The following ZNF569 variants were observed in gnomAD, a reference collection of about 807,000 sequenced individuals.
The protein encoded by ZNF569 is DNA-binding protein.
ZNF569 carries 38 observed loss-of-function variants against 56.3 expected under a neutral mutation model. That is an observed-to-expected ratio of 0.68 (90% confidence interval 0.52 to 0.88). The LOEUF (loss-of-function observed/expected upper bound fraction) is 0.88, where lower values mean the gene tolerates loss of function less well. Among genes scored for constraint, ZNF569 ranks in the 40% least tolerant of loss-of-function variants. The probability of loss-of-function intolerance (pLI) is 0.00; values close to 1 mark genes in which losing one functional copy is unlikely to be tolerated. For missense variants in ZNF569, 666 were observed against 809.2 expected (o/e 0.82, Z 2.15); for synonymous variants, 241 against 262.9 (o/e 0.92, Z 0.81).
chr19:37,465,233 T>G (rs1334281942), intron 2 of ZNF569, 80 bp downstream of exon 2: 1 of 152,260 alleles, frequency 6.6e-6, no homozygotes, highest in African/African-American at 2.4e-5. Flanking sequence ...CTCCTATCTC[T>G]AGTTCTAAAT....
At chr19:37,419,384 CA>C (rs894015329) in intron 5 of ZNF569, among the ~76,000 whole-genome samples, 1 of 152,176 alleles carries the variant, frequency 6.6e-6, no homozygotes, top group Non-Finnish European at 1.5e-5. Flanking sequence ...CACACCACCA[CA>C]ATAAAGCATG....
chr19:37,452,225 A>G (rs1349278054), intron 2 of ZNF569, among the ~76,000 whole-genome samples: 1 of 152,244 alleles, frequency 6.6e-6, no homozygotes, highest in Admixed American at 6.5e-5. Flanking sequence ...ACATTTGGTT[A>G]TAACTGTCAC....
chr19:37,419,389 A>T (rs1051731815), intron 5 of ZNF569, among the ~76,000 whole-genome samples: 4 of 152,322 alleles, frequency 2.6e-5, no homozygotes, highest in African/African-American at 9.6e-5. Flanking sequence ...CACCACAATA[A>T]AGCATGTCAC....
At chr19:37,427,515 A>G (rs2041154699) in intron 3 of ZNF569, among the ~76,000 whole-genome samples, 1 of 152,216 alleles carries the variant, frequency 6.6e-6, no homozygotes, top group Non-Finnish European at 1.5e-5. Context: ...TGTTTCAGGA[A>G]TTTCTACCAG....
chr19:37,428,663 C>CTG (rs2041175462), intron 3 of ZNF569, among the ~76,000 whole-genome samples: 1 of 150,030 alleles, frequency 6.7e-6, no homozygotes, highest in African/African-American at 2.4e-5. Flanking sequence ...TAGTATATAT[C>CTG]TGTGGTTGAA....
chr19:37,428,815 C>T (rs557829530), intron 3 of ZNF569, among the ~76,000 whole-genome samples: 4 of 151,914 alleles, frequency 2.6e-5, no homozygotes, highest in African/African-American at 9.7e-5. Context: ...GCTAGAACTA[C>T]AGGCGTGCGC....
At chr19:37,467,893 G>A (rs141250465), upstream of ZNF569, 5 of 1,536,110 alleles carry the variant, frequency 3.3e-6, no homozygotes, top group South Asian at 2.4e-5. Context: ...CAGAGACAAT[G>A]TGCATGTATT....
At chr19:37,419,961 T>G (rs2041002714) in intron 5 of ZNF569, among the ~76,000 whole-genome samples, 1 of 134,110 alleles carries the variant, frequency 7.5e-6, no homozygotes, top group African/African-American at 3.0e-5. Flanking sequence ...TTCTTTTTTC[T>G]TTTCTTTCTT....
intron 3 of ZNF569, among the ~76,000 whole-genome samples, chr19:37,436,216 AAAC>A (rs1365944043): frequency 1.3e-5 from 2 of 152,268 alleles, no homozygotes; most frequent in African/African-American, 4.8e-5. Flanking sequence ...CACAGAAATA[AAAC>A]AACATGCTCC....
At chr19:37,423,131 A>T (rs897424338) in intron 5 of ZNF569, among the ~76,000 whole-genome samples, 1 of 152,218 alleles carries the variant, frequency 6.6e-6, no homozygotes, top group Non-Finnish European at 1.5e-5. Flanking sequence ...AACTCTGAAA[A>T]TTTGAAGACT....
chr19:37,446,647 GA>G (rs915850215), intron 2 of ZNF569, among the ~76,000 whole-genome samples: 150 of 151,260 alleles, frequency 9.9e-4, no homozygotes, highest in African/African-American at 3.3e-3. Flanking sequence ...TCTAAGACCT[GA>G]AACCATAAAA....
chr19:37,413,812 T>C lies in ZNF569; in HGVS notation c.846A>G (p.Lys282=), dbSNP rs1412772036. 1 of 1,613,502 alleles carries C rather than the reference T, an allele frequency of 6.2e-7. No individual in the cohort carries two copies. The highest frequency in any genetic ancestry group is 1.3e-5 in the African/African-American group (1 of 74,898). ...TTTTTTCATGATCAATAAGATTTGA[T>C]TTCTGGCTGAAGGACTTCTCACATT... ...CKECEKSFSQ[K]SNLIDHEKIH... The change falls in exon 6 of 6, where the codon AAA becomes AAG. Residue 282 remains lysine, a synonymous_variant. Coordinates refer to ENST00000316950, the MANE Select transcript of ZNF569 (RefSeq NM_152484.3).
intron 3 of ZNF569, among the ~76,000 whole-genome samples, chr19:37,443,814 C>T (rs533048121): frequency 5.4e-4 from 81 of 151,136 alleles, no homozygotes; most frequent in African/African-American, 1.8e-3. Flanking sequence ...TGAGACCAAC[C>T]TGGCCAACAT....
rs2041645102 is a variant in ZNF569 at position 37,454,666 on chromosome 19, C to T, written c.-43-9702G>A. Among the ~76,000 whole-genome samples the T allele has an allele frequency of 2.6e-5, 4 of 152,146 alleles. No homozygotes were observed. In the South Asian group the frequency reaches 8.3e-4, roughly 31 times the overall value. On this transcript the variant is annotated intron_variant, in intron 2 of 5. Coordinates refer to ENST00000316950, the MANE Select transcript of ZNF569 (RefSeq NM_152484.3). ...AAGGAAAGGCTTCTCAGGATTCACT[C>T]CCATCTTCCCTATGAGTGCCTGTTG...
intron 3 of ZNF569, among the ~76,000 whole-genome samples, chr19:37,436,894 AAAG>A (rs1384851948): frequency 6.6e-6 from 1 of 152,070 alleles, no homozygotes; most frequent in East Asian, 1.9e-4. Context: ...CTGAACAATT[AAAG>A]AAGAACTAAT....
Position 37,412,278 on chromosome 19 carries a change from T to C in ZNF569, c.*319A>G, listed in dbSNP as rs2040851046. 1 of 236,600 alleles carries C rather than the reference T, an allele frequency of 4.2e-6. No homozygotes were observed. Among genetic ancestry groups the C allele is most frequent in the African/African-American group, 2.2e-5 (1 of 44,658 alleles). The allele number at this position is 236,600 out of a possible 1,614,324, so 14.7% of individuals were successfully genotyped here. On this transcript the variant is annotated 3_prime_UTR_variant, in exon 6 of 6. Transcript: ENST00000316950. ...ATTTTTATAGTTCTTCGTTGATACT[T>C]GTTTTCCTTACTTAATACATTGGCT...
At chr19:37,419,501 C>CG (rs2040993262) in intron 5 of ZNF569, among the ~76,000 whole-genome samples, 1 of 152,042 alleles carries the variant, frequency 6.6e-6, no homozygotes, top group Non-Finnish European at 1.5e-5. Context: ...GTGGGTGAAT[C>CG]ATTTGAGGTC....
At chr19:37,439,219 C>T (rs1475084347) in intron 3 of ZNF569, among the ~76,000 whole-genome samples, 1 of 152,154 alleles carries the variant, frequency 6.6e-6, no homozygotes, top group Non-Finnish European at 1.5e-5. Context: ...TTGAGGTGTG[C>T]ACCACCATGC....
chr19:37,456,837 A>C (rs1000137171), intron 2 of ZNF569, among the ~76,000 whole-genome samples: 1 of 151,832 alleles, frequency 6.6e-6, no homozygotes, highest in African/African-American at 2.4e-5. Context: ...GCATGGTGGC[A>C]GGCGCCTGTA....
Sources: gnomAD v4.1 joint callset for allele counts (sites outside exome capture counted in the v4.1 genomes callset) on GRCh38, gnomAD v4.1.1 for gene constraint, MANE v1.5 for transcripts, NCBI Gene and HGNC (gene_info 2026-07-23, HGNC 2026-07-21) for gene names.